The following C1orf162 variants were observed in gnomAD, a reference collection of about 807,000 sequenced individuals.
The protein encoded by C1orf162 is transmembrane protein C1orf162.
C1orf162 carries 10 observed loss-of-function variants against 11.4 expected under a neutral mutation model. The observed-to-expected ratio is 0.88, with a 90% CI of 0.54 to 1.48. C1orf162 has a LOEUF of 1.48. C1orf162 is among the 40% of genes most tolerant of loss of function. The probability of loss-of-function intolerance (pLI) is 0.00; values close to 1 mark genes in which losing one functional copy is unlikely to be tolerated. For missense variants in C1orf162, 140 were observed against 149.5 expected (o/e 0.94, Z 0.33); for synonymous variants, 53 against 55.0 (o/e 0.96, Z 0.16).
At chr1:111,475,272 T>C (rs1210245083) in intron 1 of C1orf162, 3 of 152,146 alleles carry the variant, frequency 2.0e-5, no homozygotes, top group South Asian at 2.1e-4. Context: ...AAAAGAAATA[T>C]CTCAAGTAGC....
chr1:111,476,062 A>C lies in C1orf162; in HGVS notation c.34A>C (p.Thr12Pro). Residue 12 changes from threonine to proline, a missense_variant, in exon 2 of 6, where the codon ACT (threonine) becomes CCT (proline). Coordinates refer to ENST00000369718, the MANE Select transcript of C1orf162 (RefSeq NM_001300834.2). ...GGNGSTCKPD[T>P]ERQGTLSTAA... ...CAATGGCTCCACATGTAAACCCGAC[A>C]CTGGTGAGTTTACGACAGGAATAAT... is the stretch of plus-strand genomic sequence containing the variant. The C allele has an allele frequency of 6.2e-7, 1 of 1,613,198 alleles. No homozygotes were observed.
intron 1 of C1orf162, chr1:111,475,144 A>G (rs1653950109): frequency 6.6e-6 from 1 of 151,270 alleles, no homozygotes; most frequent in Non-Finnish European, 1.5e-5. Flanking sequence ...AAGTTATAGT[A>G]CATAGCTATA....
chr1:111,476,752 C>T, intron 2 of C1orf162, 46 bp from the exon 3 acceptor site: 2 of 1,591,136 alleles, frequency 1.3e-6, no homozygotes, highest in Non-Finnish European at 1.7e-6. Context: ...GGAAGGGTAT[C>T]ATGAAAAGTG....
Position 111,476,369 on chromosome 1 carries a change from C to A in C1orf162, c.37+304C>A, listed in dbSNP as rs117009640. ...TGTGGCTGTTTTTGGCTAGGCACTG[C>A]TAATAGCTGCTCTGCAAAAAGGGCA... On this transcript the variant is annotated intron_variant, in intron 2 of 5. Coordinates refer to ENST00000369718, the MANE Select transcript of C1orf162 (RefSeq NM_001300834.2). 3.9e-4 allele frequency among the ~76,000 whole-genome samples: 60 copies of A among 152,248 alleles called. No individual in the cohort carries two copies. In the East Asian group the frequency reaches 8.9e-3, roughly 23 times the overall value.
chr1:111,478,499 T>C lies in C1orf162; in HGVS notation c.*376T>C, dbSNP rs1654076686. The C allele has an allele frequency of 1.5e-5, 3 of 205,506 alleles. No individual in the cohort carries two copies. The highest frequency in any genetic ancestry group is 3.0e-5 in the Non-Finnish European group (3 of 99,520). The allele number at this position is 205,506 out of a possible 1,614,324, so 12.7% of individuals were successfully genotyped here. On this transcript the variant is annotated 3_prime_UTR_variant, in exon 6 of 6. Coordinates refer to ENST00000369718, the MANE Select transcript of C1orf162 (RefSeq NM_001300834.2). ...AATCTACCAAAAATTTCAAATAAAG[T>C]CAAACCCCCCACAGTGCTGCCTCCA... is the stretch of plus-strand genomic sequence containing the variant.
At position 111,474,384 on chromosome 1, in the gene C1orf162, G is replaced by A. The variant is rs149119242; in HGVS notation, c.-12+354G>A. 5.3e-4 allele frequency among the ~76,000 whole-genome samples: 80 copies of A among 152,252 alleles called. No individual in the cohort carries two copies. In the East Asian group the frequency reaches 0.015, roughly 28 times the overall value. ...TTTGTCCATTTATGTGAAAGTTAGG[G>A]TGGGGTGGCCTAATGTTTTCACAGC... On this transcript the variant is annotated intron_variant, in intron 1 of 5. Coordinates refer to ENST00000369718, the MANE Select transcript of C1orf162 (RefSeq NM_001300834.2).
Position 111,475,998 on chromosome 1 carries a change from A to T in C1orf162, c.-11-20A>T, listed in dbSNP as rs766726759. On this transcript the variant is annotated intron_variant, in intron 1 of 5. Coordinates refer to ENST00000369718, the MANE Select transcript of C1orf162 (RefSeq NM_001300834.2). ...CTCTCCCTTCCAAGCTTTCTAAGAG[A>T]TACCTTGTTTTATTCTCAGGGGATG... The T allele has an allele frequency of 2.5e-6, 4 of 1,607,754 alleles. No homozygotes were observed. The highest frequency in any genetic ancestry group is 2.7e-5 in the African/African-American group (2 of 74,936).
chr1:111,478,276 C>A lies in C1orf162; in HGVS notation c.*153C>A. 2 of 849,242 alleles carry A rather than the reference C, an allele frequency of 2.4e-6. No homozygotes were observed. The highest frequency in any genetic ancestry group is 3.7e-6 in the Non-Finnish European group (2 of 543,794). 52.6% of individuals were successfully genotyped at this position (849,242 alleles called of 1,614,324 possible). A position where few individuals can be genotyped will look rare whatever the true frequency, so the allele number is the denominator to read the frequency against. The stretch of plus-strand genomic sequence containing the variant: ...GTGATCTGGCAATGCTATCCAGCAT[C>A]TTTGGAGACCAATGGTCAGTCTTTT... On this transcript the variant is annotated 3_prime_UTR_variant, in exon 6 of 6. Coordinates refer to ENST00000369718, the MANE Select transcript of C1orf162 (RefSeq NM_001300834.2).
intron 1 of C1orf162, 141 bp from the exon 2 acceptor site, chr1:111,475,870 AGTGATCT>A: frequency 1.7e-6 from 1 of 603,842 alleles, no homozygotes; most frequent in Admixed American, 2.4e-5. Flanking sequence ...ACCACTGATG[AGTGATCT>A]GTGACCACTG....
chr1:111,477,255 A>T, intron 3 of C1orf162, 79 bp from the exon 4 acceptor site: 1 of 1,197,380 alleles, frequency 8.4e-7, no homozygotes, highest in Non-Finnish European at 1.2e-6. Context: ...GTCCATCCAT[A>T]GGCAGGAAAG....
At chr1:111,475,948 G>T in intron 1 of C1orf162, 70 bp from the exon 2 acceptor site, 1 of 1,232,062 alleles carries the variant, frequency 8.1e-7, no homozygotes. Flanking sequence ...GACAATCACA[G>T]TCTCAGAGCT....
chr1:111,478,181 A>C lies in C1orf162; in HGVS notation c.*58A>C. 1 of 1,598,512 alleles carries C rather than the reference A, an allele frequency of 6.3e-7. No homozygotes were observed. Among genetic ancestry groups the C allele is most frequent in the Non-Finnish European group, 8.6e-7 (1 of 1,167,522 alleles). Reference sequence around the variant, plus strand: ...CCTCTCATCTCAGCCCTATCTTCACACATCACTTTCACTTTTTTACAAATT... The same window carrying C: ...CCTCTCATCTCAGCCCTATCTTCACCCATCACTTTCACTTTTTTACAAATT... On this transcript the variant is annotated 3_prime_UTR_variant, in exon 6 of 6. Coordinates refer to ENST00000369718, the MANE Select transcript of C1orf162 (RefSeq NM_001300834.2).
chr1:111,475,374 T>C (rs887643428), intron 1 of C1orf162: 12 of 152,226 alleles, frequency 7.9e-5, no homozygotes, highest in African/African-American at 2.9e-4. Context: ...CTTTCCTGCC[T>C]TTAGATATTT....
chr1:111,477,352 T>G lies in C1orf162; in HGVS notation c.126T>G (p.Leu42=), dbSNP rs1187028232. ...AAAACAGCAAAAAACATTTAATCCTTGCCTTTTGTGCTGGGGTTCTACTGA... is the reference window on the plus strand; with the variant it reads ...AAAACAGCAAAAAACATTTAATCCTGGCCTTTTGTGCTGGGGTTCTACTGA... The part of the protein sequence containing the change: ...SNHHNKKHLI[L]AFCAGVLLTL... Residue 42 remains leucine, a synonymous_variant, in exon 4 of 6, where the codon CTT becomes CTG. Transcript: ENST00000369718. The G allele has an allele frequency of 5.6e-6, 9 of 1,613,910 alleles. No homozygotes were observed. In the East Asian group the frequency reaches 2.0e-4, roughly 36 times the overall value.
chr1:111,478,456 G>A lies in C1orf162; in HGVS notation c.*333G>A, dbSNP rs1260899809. ...CCCAGCATCATGAATCAACTTGGGA[G>A]GAGTCAACCAAATGAACAATCTACC... On this transcript the variant is annotated 3_prime_UTR_variant, in exon 6 of 6. Coordinates refer to ENST00000369718, the MANE Select transcript of C1orf162 (RefSeq NM_001300834.2). 7.9e-6 allele frequency: 2 copies of A among 253,558 alleles called. No individual in the cohort carries two copies. Among genetic ancestry groups the A allele is most frequent in the Non-Finnish European group, 1.5e-5 (2 of 130,898 alleles). 15.7% of individuals were successfully genotyped at this position (253,558 alleles called of 1,614,324 possible). A position where few individuals can be genotyped will look rare whatever the true frequency, so the allele number is the denominator to read the frequency against.
At position 111,478,012 on chromosome 1, in the gene C1orf162, C is replaced by T. The variant is rs1020057677; in HGVS notation, c.282C>T (p.Thr94=). ...CATCCATCCCAGGGGAATCACTTAC[C>T]TATGCCAGCACAACTTTCAAACTCT... ...KLSSIPGESL[T]YASTTFKLSE... Residue 94 remains threonine, a synonymous_variant, in exon 6 of 6, where the codon ACC becomes ACT. Transcript: ENST00000369718. The T allele has an allele frequency of 1.2e-6, 2 of 1,614,008 alleles. No homozygotes were observed. Among genetic ancestry groups the T allele is most frequent in the South Asian group, 1.1e-5 (1 of 91,086 alleles).
At chr1:111,477,457 C>T (rs772154023) in intron 4 of C1orf162, 29 bp downstream of exon 4, 3 of 1,574,490 alleles carry the variant, frequency 1.9e-6, no homozygotes, top group Non-Finnish European at 1.7e-6. Context: ...ATAGGACAGC[C>T]CTTCTCTCTC....
At chr1:111,476,161 G>T in intron 2 of C1orf162, 96 bp downstream of exon 2, 1 of 1,217,072 alleles carries the variant, frequency 8.2e-7, no homozygotes, top group Non-Finnish European at 1.2e-6. Context: ...ACTAGCTAGT[G>T]CATTTCTGAA....
intron 5 of C1orf162, 31 bp downstream of exon 5, chr1:111,477,806 G>A (rs752071228): frequency 6.2e-7 from 1 of 1,613,184 alleles, no homozygotes; most frequent in Non-Finnish European, 8.5e-7. Context: ...TGGGGACACT[G>A]AAGGGCTACC....
Sources: allele counts gnomAD v4.1 joint callset (sites outside exome capture counted in the v4.1 genomes callset), GRCh38; gene constraint gnomAD v4.1.1; transcripts MANE v1.5; gene names NCBI Gene and HGNC (gene_info 2026-07-23, HGNC 2026-07-21).